The following SCN2A variants were observed in gnomAD, a reference collection of about 807,000 sequenced individuals.
SCN2A encodes sodium channel protein type 2 subunit alpha.
In SCN2A, 20 loss-of-function variants were observed where a neutral mutation model predicts 188.7. The observed-to-expected ratio is 0.11, with a 90% CI of 0.07 to 0.15. SCN2A has a LOEUF of 0.15. Ranked by LOEUF, SCN2A falls within the 10% of genes least tolerant of loss-of-function variation. The pLI, the probability that SCN2A is intolerant of heterozygous loss-of-function variation, is 1.00. For missense variants in SCN2A, 1,278 were observed against 2,445.0 expected (o/e 0.52, Z 10.07); for synonymous variants, 804 against 833.1 (o/e 0.97, Z 0.60).
chr2:165,252,861 G>A (rs924014737), intron 1 of SCN2A, among the ~76,000 whole-genome samples: 1 of 151,970 alleles, frequency 6.6e-6, no homozygotes, highest in East Asian at 1.9e-4. Context: ...GTAAGGGGAG[G>A]GGGGGTGTGG....
rs138897712 is a variant in SCN2A, at chr2:165,365,590, A to C, written c.3520+327A>C. On this transcript the variant is annotated intron_variant, in intron 18 of 26. Coordinates refer to ENST00000375437, the MANE Select transcript of SCN2A (RefSeq NM_001040142.2). ...TCTGTGGCCTTCTAAAATATCTTAC[A>C]GGAGAGAAAGCCAAATCACACACAT... Among the ~76,000 whole-genome samples the C allele has an allele frequency of 4.4e-3, 677 of 152,268 alleles. 3 individuals carry two copies. Among genetic ancestry groups the C allele is most frequent in the African/African-American group, 0.016 (645 of 41,572 alleles).
rs1228427455 is a variant in SCN2A, at chr2:165,389,152, T to A, written c.5346T>A (p.Ala1782=). 6.2e-7 allele frequency: 1 copy of A among 1,614,078 alleles called. No individual in the cohort carries two copies. The highest frequency in any genetic ancestry group is 1.7e-5 in the Admixed American group (1 of 59,988). The change falls in exon 27 of 27, where the codon GCT becomes GCA. Residue 1782 remains alanine, a synonymous_variant. Coordinates refer to ENST00000375437, the MANE Select transcript of SCN2A (RefSeq NM_001040142.2). The surrounding 1 kb of genome is among the most constrained non-coding windows in gnomAD (Gnocchi z 4.2). ...IAVILENFSV[A]TEESAEPLSE... is the part of the protein sequence containing the mutation. ...TCATCCTGGAGAACTTCAGTGTTGC[T>A]ACTGAAGAAAGTGCAGAGCCTCTGA...
intron 11 of SCN2A, among the ~76,000 whole-genome samples, chr2:165,319,740 T>C (rs1697972955): frequency 6.6e-6 from 1 of 152,134 alleles, no homozygotes; most frequent in Non-Finnish European, 1.5e-5. Flanking sequence ...ATGAGACCCA[T>C]TCAGTACCAT....
chr2:165,257,318 T>A (rs1486127258), intron 1 of SCN2A, among the ~76,000 whole-genome samples: 1 of 152,198 alleles, frequency 6.6e-6, no homozygotes, highest in African/African-American at 2.4e-5. Flanking sequence ...TGGCACATCC[T>A]TTATTTACAG....
At chr2:165,321,928 A>C (rs1698097168) in intron 11 of SCN2A, among the ~76,000 whole-genome samples, 2 of 152,222 alleles carry the variant, frequency 1.3e-5, no homozygotes, top group South Asian at 4.1e-4. Context: ...AACCAATAAT[A>C]CTTAAATGAT....
At chr2:165,290,675 AGTAAGAC>A in intron 1 of SCN2A, 1 of 614,168 alleles carries the variant, frequency 1.6e-6, no homozygotes, top group Non-Finnish European at 2.0e-6. Flanking sequence ...ACATCTGTAA[AGTAAGAC>A]CTGAATATGG....
In SCN2A at chr2:165,370,290, G is replaced by A; in HGVS notation, c.3840G>A (p.Leu1280=). The A allele has an allele frequency of 6.2e-7, 1 of 1,614,098 alleles. No homozygotes were observed. The highest frequency in any genetic ancestry group is 1.1e-5 in the South Asian group (1 of 91,086). ...FTNAWCWLDF[L]IVDVSLVSLT... ...ATGCCTGGTGCTGGCTAGACTTCCTGATTGTTGATGTGAGTATGCTGCACT... is the reference window on the plus strand; with the variant it reads ...ATGCCTGGTGCTGGCTAGACTTCCTAATTGTTGATGTGAGTATGCTGCACT... The change falls in exon 20 of 27, where the codon CTG becomes CTA. Residue 1280 remains leucine (L), a synonymous_variant. Transcript: ENST00000375437.
intron 14 of SCN2A, among the ~76,000 whole-genome samples, chr2:165,340,089 T>C (rs750886685): frequency 6.6e-6 from 1 of 152,162 alleles, no homozygotes; most frequent in Non-Finnish European, 1.5e-5. Context: ...AATAAATGTA[T>C]GGAAAATAAA....
chr2:165,273,954 A>T (rs1178157467), intron 1 of SCN2A: 1 of 152,098 alleles, frequency 6.6e-6, no homozygotes, highest in East Asian at 1.9e-4. Context: ...TTGTAGATTA[A>T]ACTGGTGCAG....
intron 18 of SCN2A, among the ~76,000 whole-genome samples, chr2:165,366,767 T>C (rs1700751827): frequency 1.3e-5 from 2 of 151,008 alleles, no homozygotes; most frequent in Admixed American, 1.3e-4. Context: ...AGTAATCATA[T>C]TTAGAGAAAT....
intron 13 of SCN2A, among the ~76,000 whole-genome samples, chr2:165,330,894 C>A (rs1415394295): frequency 6.6e-6 from 1 of 152,054 alleles, no homozygotes; most frequent in African/African-American, 2.4e-5. Context: ...AGAAGATCAC[C>A]AAAACATATC....
chr2:165,347,920 C>T (rs1699686144), intron 16 of SCN2A, among the ~76,000 whole-genome samples: 1 of 152,088 alleles, frequency 6.6e-6, no homozygotes, highest in African/African-American at 2.4e-5. Flanking sequence ...AAACAAGGTA[C>T]CCAGTGACTG....
At chr2:165,329,196 G>T (rs1268261867) in intron 13 of SCN2A, among the ~76,000 whole-genome samples, 1 of 151,988 alleles carries the variant, frequency 6.6e-6, no homozygotes, top group Non-Finnish European at 1.5e-5. Context: ...CAGGGTAATG[G>T]ATAGCCTCAT....
intron 16 of SCN2A, among the ~76,000 whole-genome samples, chr2:165,346,889 G>A (rs1292394569): frequency 1.3e-5 from 2 of 152,196 alleles, no homozygotes; most frequent in Non-Finnish European, 2.9e-5. Flanking sequence ...AAACCACAAT[G>A]AGATACCACT....
chr2:165,344,529 A>G, intron 15 of SCN2A, 26 bp from the exon 16 acceptor site: 1 of 1,596,626 alleles, frequency 6.3e-7, no homozygotes, highest in Non-Finnish European at 8.6e-7. Context: ...GCAGAGCATT[A>G]ACACTGTTCT....
intron 16 of SCN2A, among the ~76,000 whole-genome samples, chr2:165,350,562 T>G (rs1232797798): frequency 1.5e-5 from 2 of 135,044 alleles, no homozygotes; most frequent in African/African-American, 5.5e-5. Context: ...AAGCTCCGCC[T>G]CCCGGGTTCA....
intron 3 of SCN2A, among the ~76,000 whole-genome samples, chr2:165,304,175 G>A (rs1696990910): frequency 6.6e-6 from 1 of 152,114 alleles, no homozygotes; most frequent in Non-Finnish European, 1.5e-5. Flanking sequence ...TTGGCTCACT[G>A]CTACCTCTGC....
intron 1 of SCN2A, among the ~76,000 whole-genome samples, chr2:165,280,868 A>G (rs1490998642): frequency 3.3e-5 from 5 of 152,222 alleles, no homozygotes; most frequent in African/African-American, 1.2e-4. Flanking sequence ...GACCTAAGAC[A>G]TGTAGTTTAC....
intron 1 of SCN2A, chr2:165,273,506 C>T (rs1334032840): frequency 1.3e-5 from 2 of 152,148 alleles, no homozygotes; most frequent in Admixed American, 1.3e-4. Flanking sequence ...AATTCTAAAT[C>T]TTAGTCATAT....
Sources: gnomAD v4.1 joint callset for allele counts (sites outside exome capture counted in the v4.1 genomes callset) on GRCh38, gnomAD v4.1.1 for gene constraint, Gnocchi (gnomAD v3.1) non-coding constraint, MANE v1.5 for transcripts, NCBI Gene and HGNC (gene_info 2026-07-23, HGNC 2026-07-21) for gene names.